The following MUC5B variants were observed in gnomAD, a reference collection of about 807,000 sequenced individuals.
The protein encoded by MUC5B is mucin-5B.
A neutral mutation model predicts 376.9 loss-of-function variants in MUC5B; 116 were observed. The ratio of observed to expected loss-of-function variants is 0.31; its 90% CI spans 0.26 to 0.36. MUC5B has a LOEUF of 0.36. MUC5B is among the 10% of genes least tolerant of loss of function. The pLI, the probability that MUC5B is intolerant of heterozygous loss-of-function variation, is 1.00. For missense variants in MUC5B, 7,165 were observed against 7,769.9 expected, an observed-to-expected ratio of 0.92 and a Z score of 2.93; for synonymous variants, 3,517 against 3,390.9, an observed-to-expected ratio of 1.04 and a Z score of -1.29.
chr11:1,254,953 C>G, intron 35 of MUC5B, 73 bp downstream of exon 35: 14 of 1,497,282 alleles, frequency 9.4e-6, no homozygotes, highest in Non-Finnish European at 1.2e-5. Context: ...ATAGGGGAAG[C>G]CTGGGGAGGG....
rs1433749563 is a variant in MUC5B, at chr11:1,241,666, C to T, written c.4786C>T (p.Leu1596Phe). The change falls in exon 31 of 49, where the codon CTC (leucine) becomes TTC (phenylalanine). Residue 1596 changes from leucine (L) to phenylalanine (F), a missense_variant. Coordinates refer to ENST00000529681, the MANE Select transcript of MUC5B (RefSeq NM_002458.3). Reference sequence around the variant, plus strand: ...GTGCTACAACTACAGGATCCGGGTCCTCTGCTGCAGTGACGACCACTGCAG... The same window carrying T: ...GTGCTACAACTACAGGATCCGGGTCTTCTGCTGCAGTGACGACCACTGCAG... ...KMCYNYRIRV[L>F]CCSDDHCRGR... is the part of the protein sequence containing the mutation. The T allele has an allele frequency of 1.2e-6, 2 of 1,612,488 alleles. No homozygotes were observed. The highest frequency in any genetic ancestry group is 1.7e-6 in the Non-Finnish European group (2 of 1,179,684).
intron 9 of MUC5B, 84 bp from the exon 10 acceptor site, chr11:1,229,606 G>A: frequency 1.6e-6 from 2 of 1,225,930 alleles, no homozygotes; most frequent in African/African-American, 1.5e-5. Flanking sequence ...CCCCAAGGGA[G>A]GCAGCTTGTC....
Position 1,258,019 on chromosome 11 carries a change from C to A in MUC5B, c.16451-80C>A. 7.2e-7 allele frequency: 1 copy of A among 1,382,812 alleles called. No individual in the cohort carries two copies. Among genetic ancestry groups the A allele is most frequent in the South Asian group, 1.3e-5 (1 of 77,978 alleles). 85.7% of individuals were successfully genotyped at this position (1,382,812 alleles called of 1,614,324 possible). A position where few individuals can be genotyped will look rare whatever the true frequency, so the allele number is the denominator to read the frequency against. ...GCGGTCAGGTCCTCGGGGAAAAGCA[C>A]GCCTGCGACTTACTCTGGGAACAAG... is the stretch of plus-strand genomic sequence containing the variant. On this transcript the variant is annotated intron_variant, in intron 41 of 48. Coordinates refer to ENST00000529681, the MANE Select transcript of MUC5B (RefSeq NM_002458.3). The surrounding 1 kb of genome is among the most constrained non-coding windows in gnomAD (Gnocchi z 5.5).
rs756495348 is a variant in MUC5B, at chr11:1,229,290, C to T, written c.1097C>T (p.Pro366Leu). 19 of 1,573,226 alleles carry T rather than the reference C, an allele frequency of 1.2e-5. No homozygotes were observed. Among genetic ancestry groups the T allele is most frequent in the Non-Finnish European group, 1.6e-5 (19 of 1,164,200 alleles). The change falls in exon 9 of 49, where the codon CCC becomes CTC. Residue 366 changes from proline to leucine, a missense_variant. Around this residue, in one of 31 missense-constraint regions of MUC5B, gnomAD observed 640 missense variants for 733.0 expected, o/e 0.87. Transcript: ENST00000529681. ...EDHCVDGCFCPPGTVLDDITH... is the reference protein window; with the variant it reads ...EDHCVDGCFCLPGTVLDDITH... ...CACTGTGTGGACGGCTGCTTCTGCC[C>T]CCCAGGCAGGTCTTGTGTGCCCTGA...
rs956253033 is a variant in MUC5B, at chr11:1,235,232, C to T, written c.2769+9C>T. On this transcript the variant is annotated intron_variant, in intron 22 of 48. Transcript: ENST00000529681. ...AGTACATCTTGGCCCAGGTACGCCGCCCCCTCGCCCACTCCTGCAGGCCGG... is the reference window on the plus strand; with the variant it reads ...AGTACATCTTGGCCCAGGTACGCCGTCCCCTCGCCCACTCCTGCAGGCCGG... 11 of 1,612,200 alleles carry T rather than the reference C, an allele frequency of 6.8e-6. No homozygotes were observed. Among genetic ancestry groups the T allele is most frequent in the South Asian group, 1.1e-5 (1 of 91,026 alleles).
At position 1,241,025 on chromosome 11, in the gene MUC5B, C is replaced by A. The variant is rs1444875193; in HGVS notation, c.4145C>A (p.Ala1382Glu). The A allele has an allele frequency of 1.2e-6, 2 of 1,612,540 alleles. No homozygotes were observed. The highest frequency in any genetic ancestry group is 1.7e-5 in the Admixed American group (1 of 59,998). ...GTGCTGGCTGACATCGAGTGCCGGG[C>A]GGCGCAGCTTCCCGACATGCCGCTG... Reference protein sequence around the residue: ...CPVLADIECRAAQLPDMPLEE... With the variant: ...CPVLADIECREAQLPDMPLEE... The change falls in exon 31 of 49, where the codon GCG becomes GAG. Residue 1382 changes from alanine (A) to glutamate (E), a missense_variant. Physicochemically the swap from Ala to Glu is moderately radical, Grantham distance 107. Coordinates refer to ENST00000529681, the MANE Select transcript of MUC5B (RefSeq NM_002458.3).
rs1366203202 is a variant in MUC5B at position 1,244,225 on chromosome 11, A to C, written c.7345A>C (p.Thr2449Pro). 1 of 1,611,512 alleles carries C rather than the reference A, an allele frequency of 6.2e-7. No homozygotes were observed. The highest frequency in any genetic ancestry group is 1.1e-5 in the South Asian group (1 of 90,978). The stretch of plus-strand genomic sequence containing the variant: ...CACAACAGCCACTACGACTGAGTCC[A>C]CTGGATCCACGGCCACCCCGTCCTC... ...LTTTATTTES[T>P]GSTATPSSTP... The change falls in exon 31 of 49, where the codon ACT (threonine) becomes CCT (proline). Residue 2449 changes from threonine (T) to proline (P), a missense_variant. Coordinates refer to ENST00000529681, the MANE Select transcript of MUC5B (RefSeq NM_002458.3).
Position 1,258,432 on chromosome 11 carries a change from G to C in MUC5B, c.16593+65G>C, listed in dbSNP as rs1862904563. ...GAACATGTGTGTGGGATGCCCCGGGGCTCTCTGAGCCCCACTCCTTGTCTT... is the reference window on the plus strand; with the variant it reads ...GAACATGTGTGTGGGATGCCCCGGGCCTCTCTGAGCCCCACTCCTTGTCTT... On this transcript the variant is annotated intron_variant, in intron 43 of 48. Transcript: ENST00000529681. This position sits in a 1 kb window ranked among gnomAD's most constrained non-coding sequence, Gnocchi z 5.5. 1 of 1,568,752 alleles carries C rather than the reference G, an allele frequency of 6.4e-7. No individual in the cohort carries two copies. Among genetic ancestry groups the C allele is most frequent in the Non-Finnish European group, 8.7e-7 (1 of 1,151,676 alleles).
rs762986771 is a variant in MUC5B at position 1,252,457 on chromosome 11, T to G, written c.14978T>G (p.Val4993Gly). 5.0e-6 allele frequency: 8 copies of G among 1,609,392 alleles called. No individual in the cohort carries two copies. The highest frequency in any genetic ancestry group is 1.7e-5 in the Admixed American group (1 of 59,670). The change falls in exon 32 of 49, where the codon GTG (valine) becomes GGG (glycine). Residue 4993 changes from valine (V) to glycine (G), a missense_variant. Coordinates refer to ENST00000529681, the MANE Select transcript of MUC5B (RefSeq NM_002458.3). ...GCCTGTCCCACCTCCCCACCGCCAG[T>G]GTCCTCCGCCCCGCTGTCCTCGCCC... is the stretch of plus-strand genomic sequence containing the variant. ...QGACPTSPPP[V>G]SSAPLSSPSP...
Position 1,241,252 on chromosome 11 carries a change from A to C in MUC5B, c.4372A>C (p.Thr1458Pro). Residue 1458 changes from threonine (T) to proline (P), a missense_variant, in exon 31 of 49, where the codon ACC becomes CCC. Transcript: ENST00000529681. The part of the protein sequence containing the change: ...ASTEPAVPTP[T>P]QTTATEKTTL... ...CACGGAGCCTGCTGTGCCTACCCCA[A>C]CCCAGACCACAGCAACCGAAAAGAC... 1 of 1,592,788 alleles carries C rather than the reference A, an allele frequency of 6.3e-7. No individual in the cohort carries two copies. The highest frequency in any genetic ancestry group is 2.3e-5 in the East Asian group (1 of 43,384).
chr11:1,230,445 C>G (rs1332310729), intron 11 of MUC5B, 45 bp from the exon 12 acceptor site: 1 of 1,506,758 alleles, frequency 6.6e-7, no homozygotes, highest in Non-Finnish European at 9.0e-7. Context: ...GGGCACCCCA[C>G]ATCATCGAGC....
Position 1,255,114 on chromosome 11 carries a change from G to T in MUC5B, c.15738G>T (p.Met5246Ile). The stretch of plus-strand genomic sequence containing the variant: ...CCACTGCCGCCAGTTGCAAGGACAT[G>T]GCCAAGACGTGGCTGGTCCCCGACA... ...DGTTAASCKD[M>I]AKTWLVPDSR... is the part of the protein sequence containing the mutation. Residue 5246 changes from methionine (M) to isoleucine (I), a missense_variant, in exon 36 of 49, where the codon ATG becomes ATT. Physicochemically the swap from Met to Ile is conservative, Grantham distance 10. Transcript: ENST00000529681. 2 of 1,586,166 alleles carry T rather than the reference G, an allele frequency of 1.3e-6. No homozygotes were observed. Among genetic ancestry groups the T allele is most frequent in the Non-Finnish European group, 1.7e-6 (2 of 1,167,442 alleles).
intron 44 of MUC5B, 146 bp downstream of exon 44, chr11:1,259,207 G>A (rs1472918138): frequency 4.2e-6 from 3 of 716,088 alleles, no homozygotes; most frequent in South Asian, 1.8e-5. Context: ...AGTCCCTGAG[G>A]CACTTGCCCC....
rs779023280 is a variant in MUC5B at position 1,249,184 on chromosome 11, C to A, written c.12304C>A (p.Pro4102Thr). Residue 4102 changes from proline to threonine, a missense_variant, in exon 31 of 49, where the codon CCC (proline) becomes ACC (threonine). Pro to Thr is a conservative substitution (Grantham distance 38, BLOSUM62 -1). Around this residue, in one of 31 missense-constraint regions of MUC5B, gnomAD observed 85 missense variants for 78.2 expected, o/e 1.09. Transcript: ENST00000529681. ...CTCCAGGACCACGGCCACGGCCACA[C>A]CCAGCAAGACCCGCACCTCGACCCT... ...ATSRTTATATPSKTRTSTLLP... is the reference protein window; with the variant it reads ...ATSRTTATATTSKTRTSTLLP... 1.2e-6 allele frequency: 2 copies of A among 1,611,534 alleles called. No homozygotes were observed. The highest frequency in any genetic ancestry group is 1.7e-6 in the Non-Finnish European group (2 of 1,179,566).
intron 36 of MUC5B, 27 bp from the exon 37 acceptor site, chr11:1,255,356 C>G: frequency 6.4e-7 from 1 of 1,566,840 alleles, no homozygotes; most frequent in Admixed American, 1.8e-5. Flanking sequence ...GCTGGGGGCC[C>G]TCCGTCCTGA....
In MUC5B at chr11:1,229,763, C is replaced by T; in HGVS notation, c.1176C>T (p.Arg392=). Residue 392 remains arginine, a synonymous_variant, in exon 10 of 49, where the codon CGC becomes CGT. Coordinates refer to ENST00000529681, the MANE Select transcript of MUC5B (RefSeq NM_002458.3). The part of the protein sequence containing the change: ...LGQCPCTHGG[R]TYSPGTSFNT... ...AGTGCCCCTGCACCCACGGCGGCCG[C>T]ACCTACAGCCCGGGCACCTCCTTCA... 1 of 1,601,976 alleles carries T rather than the reference C, an allele frequency of 6.2e-7. No individual in the cohort carries two copies. Among genetic ancestry groups the T allele is most frequent in the Non-Finnish European group, 8.5e-7 (1 of 1,175,762 alleles).
In MUC5B at chr11:1,243,414, C is replaced by T. The variant is rs533711232; in HGVS notation, c.6534C>T (p.Pro2178=). The part of the protein sequence containing the change: ...TPAATSNTVT[P]SSALGTTHTP... ...CAGCCACCAGCAACACAGTGACTCC[C>T]TCCTCTGCCCTAGGGACCACCCACA... Residue 2178 remains proline, a synonymous_variant, in exon 31 of 49, where the codon CCC becomes CCT. Transcript: ENST00000529681. The T allele has an allele frequency of 1.3e-6, 2 of 1,508,800 alleles. No homozygotes were observed. The highest frequency in any genetic ancestry group is 1.4e-5 in the African/African-American group (1 of 70,690). The allele number at this position is 1,508,800 out of a possible 1,614,324, so 93.5% of individuals were successfully genotyped here. A position where few individuals can be genotyped will look rare whatever the true frequency, so the allele number is the denominator to read the frequency against.
In MUC5B at chr11:1,242,322, C is replaced by G. The variant is rs778033577; in HGVS notation, c.5442C>G (p.Ile1814Met). ...GGGACATGGAAACTTTTGAAAACATCAGGGCTGCTGGGGGCAAGATGTGCT... is the reference window on the plus strand; with the variant it reads ...GGGACATGGAAACTTTTGAAAACATGAGGGCTGCTGGGGGCAAGATGTGCT... ...AGGDMETFEN[I>M]RAAGGKMCWA... Residue 1814 changes from isoleucine (I) to methionine (M), a missense_variant, in exon 31 of 49, where the codon ATC becomes ATG. This residue lies in a region of MUC5B where 897 missense variants were observed against 779.6 expected (regional missense o/e 1.15). Transcript: ENST00000529681. 5.6e-6 allele frequency: 9 copies of G among 1,613,888 alleles called. No individual in the cohort carries two copies. The South Asian group carries it at 8.8e-5, about 16-fold the overall frequency.
Position 1,234,448 on chromosome 11 carries a change from G to T in MUC5B, c.2479-81G>T. ...CCCATGCGTTGCCCTGGGTGCTGCTGGGTGCGCCTGTCCCAGAGGGTGAGT... is the reference window on the plus strand; with the variant it reads ...CCCATGCGTTGCCCTGGGTGCTGCTTGGTGCGCCTGTCCCAGAGGGTGAGT... On this transcript the variant is annotated intron_variant, in intron 20 of 48. Coordinates refer to ENST00000529681, the MANE Select transcript of MUC5B (RefSeq NM_002458.3). The surrounding 1 kb of genome is among the most constrained non-coding windows in gnomAD (Gnocchi z 6.3). The T allele has an allele frequency of 6.6e-7, 1 of 1,524,934 alleles. No homozygotes were observed. The highest frequency in any genetic ancestry group is 8.8e-7 in the Non-Finnish European group (1 of 1,130,174). The allele number at this position is 1,524,934 out of a possible 1,614,324, so 94.5% of individuals were successfully genotyped here. A position where few individuals can be genotyped will look rare whatever the true frequency, so the allele number is the denominator to read the frequency against.
Sources: gnomAD v4.1 joint callset for allele counts on GRCh38, gnomAD v4.1.1 for gene constraint, gnomAD v4.1.1 regional missense constraint, Gnocchi (gnomAD v3.1) non-coding constraint, MANE v1.5 for transcripts, NCBI Gene and HGNC (gene_info 2026-07-23, HGNC 2026-07-21) for gene names.